Variants in RBM26 observed in about 807,000 individuals in gnomAD.
The protein encoded by RBM26 is RNA-binding protein 26.
Under a neutral mutation model 123.6 loss-of-function variants are expected in RBM26, and 30 were observed. The observed-to-expected ratio is 0.24, with a 90% CI of 0.18 to 0.33. The LOEUF is 0.33. Among genes scored for constraint, RBM26 ranks in the 10% least tolerant of loss-of-function variants. The pLI is 1.00. For missense variants in RBM26, 947 were observed against 1,203.6 expected, an observed-to-expected ratio of 0.79 and a Z score of 3.15; for synonymous variants, 400 against 404.4, an observed-to-expected ratio of 0.99 and a Z score of 0.13.
At chr13:79,358,532 C>A (rs1417876579) in intron 10 of RBM26, 99 bp from the exon 11 acceptor site, 4 of 924,202 alleles carry the variant, frequency 4.3e-6, no homozygotes, top group South Asian at 1.6e-5. Flanking sequence ...CAATTAAGTT[C>A]AATTTTCCCC....
chr13:79,398,086 A>G (rs765478198), intron 1 of RBM26, among the ~76,000 whole-genome samples: 1 of 152,250 alleles, frequency 6.6e-6, no homozygotes, highest in Non-Finnish European at 1.5e-5. Flanking sequence ...ATGTAAATTG[A>G]AAAGACTTTT....
chr13:79,328,941 T>A (rs964233440), intron 20 of RBM26, among the ~76,000 whole-genome samples: 1 of 151,738 alleles, frequency 6.6e-6, no homozygotes, highest in African/African-American at 2.4e-5. Flanking sequence ...TTTTTTTTTT[T>A]AATAAGAAAA....
intron 1 of RBM26, among the ~76,000 whole-genome samples, chr13:79,402,541 A>C (rs1443163329): frequency 3.3e-5 from 5 of 151,896 alleles, no homozygotes; most frequent in East Asian, 1.9e-4. Flanking sequence ...AACATGACTC[A>C]ACAAAGTCCT....
rs1305556199 is a variant in RBM26, at chr13:79,370,927, C to T, written c.634+18G>A. 1.1e-5 allele frequency: 18 copies of T among 1,584,864 alleles called. No individual in the cohort carries two copies. Among genetic ancestry groups the T allele is most frequent in the Non-Finnish European group, 1.6e-5 (18 of 1,158,620 alleles). On this transcript the variant is annotated intron_variant, in intron 5 of 21. Transcript: ENST00000438737. ...CATGGAGTTTTTCATAAAAAGATAA[C>T]CAAAATATATTATTTACCCCTGCTT...
chr13:79,372,434 CCAAA>C (rs760313302), intron 3 of RBM26, among the ~76,000 whole-genome samples: 30 of 151,668 alleles, frequency 2.0e-4, no homozygotes, highest in East Asian at 5.8e-4. Context: ...CTAAAATTAT[CCAAA>C]CAAAGTAAAT....
At chr13:79,403,393 T>C (rs185509542) in intron 1 of RBM26, among the ~76,000 whole-genome samples, 27 of 152,254 alleles carry the variant, frequency 1.8e-4, no homozygotes, top group Admixed American at 1.3e-3. Context: ...ACATGGAATA[T>C]GTTTCATTAA....
chr13:79,369,005 A>G lies in RBM26; in HGVS notation c.635-15T>C. 6.3e-7 allele frequency: 1 copy of G among 1,577,102 alleles called. No individual in the cohort carries two copies. Among genetic ancestry groups the G allele is most frequent in the Non-Finnish European group, 8.7e-7 (1 of 1,155,902 alleles). ...CAGATCCCTTTCTGCAACGAAAGAT[A>G]AATGACATATAAAACTACACTGTAT... On this transcript the variant is annotated splice_polypyrimidine_tract_variant and intron_variant, in intron 5 of 21. Transcript: ENST00000438737.
downstream of RBM26, among the ~76,000 whole-genome samples, chr13:79,318,254 TAA>T (rs565772303): frequency 2.1e-5 from 3 of 144,998 alleles, no homozygotes; most frequent in Non-Finnish European, 4.6e-5. Context: ...AACGTAGAGT[TAA>T]AAAAAAAAAA....
intron 1 of RBM26, among the ~76,000 whole-genome samples, chr13:79,394,072 G>A (rs754007646): frequency 4.6e-5 from 7 of 152,154 alleles, no homozygotes; most frequent in African/African-American, 7.2e-5. Flanking sequence ...TAGCAAAGCC[G>A]GGATCCCCCG....
chr13:79,338,991 T>C (rs183366613), intron 18 of RBM26, among the ~76,000 whole-genome samples: 1 of 152,280 alleles, frequency 6.6e-6, no homozygotes, highest in Non-Finnish European at 1.5e-5. Flanking sequence ...TTTGAAGATG[T>C]TGAGTCTTAG....
Position 79,372,861 on chromosome 13 carries a change from AAATATAT to A in RBM26, c.328-938_328-932del, listed in dbSNP as rs2076088607. On this transcript the variant is annotated intron_variant, in intron 3 of 21. Coordinates refer to ENST00000438737, the MANE Select transcript of RBM26 (RefSeq NM_001366735.2). The stretch of plus-strand genomic sequence containing the variant: ...AATATATTATATATTATATAAATAT[AAATATAT>A]TTATAATATTTTATATGCTATATAA... Among the ~76,000 whole-genome samples, 3 of 66,510 alleles carry A rather than the reference AAATATAT, an allele frequency of 4.5e-5. 1 individual carries two copies. Among genetic ancestry groups the A allele is most frequent in the African/African-American group, 3.6e-4 (3 of 8,286 alleles). The allele number at this position is 66,510 out of a possible 152,430, so 43.6% of individuals were successfully genotyped here.
At chr13:79,400,514 C>G (rs982491832) in intron 1 of RBM26, among the ~76,000 whole-genome samples, 3 of 152,054 alleles carry the variant, frequency 2.0e-5, no homozygotes, top group Admixed American at 2.0e-4. Context: ...TAATACTTAA[C>G]GAAATTAAAT....
chr13:79,360,874 T>C (rs1008727857), intron 9 of RBM26, among the ~76,000 whole-genome samples: 6 of 152,138 alleles, frequency 3.9e-5, no homozygotes, highest in Admixed American at 1.3e-4. Flanking sequence ...TTAATCCACA[T>C]AGAAAAATGT....
In RBM26 at chr13:79,370,831, G is replaced by A. The variant is rs375398123; in HGVS notation, c.634+114C>T. 2.2e-4 allele frequency: 245 copies of A among 1,126,658 alleles called. 1 individual carries two copies. The Middle Eastern group carries it at 4.2e-3, about 19-fold the overall frequency. 69.8% of individuals were successfully genotyped at this position (1,126,658 alleles called of 1,614,324 possible). A position where few individuals can be genotyped will look rare whatever the true frequency, so the allele number is the denominator to read the frequency against. On this transcript the variant is annotated intron_variant, in intron 5 of 21. Coordinates refer to ENST00000438737, the MANE Select transcript of RBM26 (RefSeq NM_001366735.2). ...TTAAAAAGCATTCTCTTGGACCACA[G>A]AATACATCATAATAGAAAAAAATGA...
chr13:79,331,839 T>G (rs2069477984), intron 20 of RBM26, among the ~76,000 whole-genome samples: 1 of 152,212 alleles, frequency 6.6e-6, no homozygotes, highest in South Asian at 2.1e-4. Flanking sequence ...GTCTGAGTAC[T>G]TATCCAACTT....
intron 9 of RBM26, among the ~76,000 whole-genome samples, chr13:79,363,049 A>G (rs2074884096): frequency 6.6e-6 from 1 of 152,194 alleles, no homozygotes; most frequent in Non-Finnish European, 1.5e-5. Flanking sequence ...CCCTATATCC[A>G]ATCATGACAT....
intron 21 of RBM26, among the ~76,000 whole-genome samples, chr13:79,321,269 C>G (rs971891432): frequency 1.3e-5 from 2 of 151,336 alleles, no homozygotes; most frequent in African/African-American, 4.8e-5. Flanking sequence ...TCTCCCCATT[C>G]AATTCAAACT....
intron 2 of RBM26, 33 bp from the exon 3 acceptor site, chr13:79,377,548 C>T: frequency 1.3e-6 from 2 of 1,531,426 alleles, no homozygotes; most frequent in Non-Finnish European, 1.8e-6. Flanking sequence ...TAGATTAAAA[C>T]ACATTTGTTA....
At chr13:79,329,252 T>A (rs1309800320) in intron 20 of RBM26, among the ~76,000 whole-genome samples, 1 of 152,034 alleles carries the variant, frequency 6.6e-6, no homozygotes, top group Non-Finnish European at 1.5e-5. Flanking sequence ...GTGTATGTAT[T>A]AAAAACTTTA....
Sources: gnomAD v4.1 joint callset for allele counts (sites outside exome capture counted in the v4.1 genomes callset) on GRCh38, gnomAD v4.1.1 for gene constraint, MANE v1.5 for transcripts, NCBI Gene and HGNC (gene_info 2026-07-23, HGNC 2026-07-21) for gene names.